Variants in TMEM74 observed in about 807,000 individuals in gnomAD.
TMEM74 encodes transmembrane protein 74.
TMEM74 carries 13 observed loss-of-function variants against 18.1 expected under a neutral mutation model. The ratio of observed to expected loss-of-function variants is 0.72; its 90% CI spans 0.47 to 1.14. The LOEUF is 1.14. Among genes scored for constraint, TMEM74 ranks in the 50% most tolerant of loss-of-function variants. TMEM74 has a pLI of 0.00. For synonymous variants in TMEM74, 159 were observed against 146.6 expected, an observed-to-expected ratio of 1.08 and a Z score of -0.61; for missense variants, 372 against 375.9, an observed-to-expected ratio of 0.99 and a Z score of 0.09.
intron 1 of TMEM74, among the ~76,000 whole-genome samples, chr8:108,730,634 CTTTTTTT>C (rs1199122765): frequency 7.6e-6 from 1 of 132,168 alleles, no homozygotes. Context: ...TGCAGACTTC[CTTTTTTT>C]TTTTTTTTTT....
At chr8:108,679,231 A>T (rs1813088074) in intron 1 of TMEM74, among the ~76,000 whole-genome samples, 1 of 152,214 alleles carries the variant, frequency 6.6e-6, no homozygotes, top group African/African-American at 2.4e-5. Context: ...TCTTTACAGC[A>T]GCATGATTTA....
At chr8:108,768,289 A>G (rs2130668923) in intron 1 of TMEM74, among the ~76,000 whole-genome samples, 1 of 152,200 alleles carries the variant, frequency 6.6e-6, no homozygotes, top group South Asian at 2.1e-4. Context: ...TATTGATTTG[A>G]TCTTTGAAAT....
chr8:108,617,352 G>A (rs994170573), intron 2 of TMEM74, among the ~76,000 whole-genome samples: 2 of 152,202 alleles, frequency 1.3e-5, no homozygotes, highest in Non-Finnish European at 2.9e-5. Context: ...GATGAACTCA[G>A]TGTTAATGCT....
In TMEM74 at chr8:108,769,766, A is replaced by T. The variant is rs1814150865; in HGVS notation, n.119+17710T>A. ...AGAGGAGCAATATATATATTTTTTT[A>T]ATTCACTGCCTTTCTAAAACAGGTG... On this transcript the variant is annotated intron_variant and non_coding_transcript_variant, in intron 1 of 3. Coordinates refer to the TMEM74 transcript ENST00000518838. Among the ~76,000 whole-genome samples, 5 of 151,970 alleles carry T rather than the reference A, an allele frequency of 3.3e-5. No homozygotes were observed. The South Asian group carries it at 1.0e-3, about 32-fold the overall frequency.
At chr8:108,662,478 T>C (rs1360368915) in intron 1 of TMEM74, among the ~76,000 whole-genome samples, 2 of 152,278 alleles carry the variant, frequency 1.3e-5, no homozygotes, top group Admixed American at 1.3e-4. Flanking sequence ...TTAAGATTTC[T>C]TGTGTATTGT....
At chr8:108,708,354 G>A (rs1813438674) in intron 1 of TMEM74, among the ~76,000 whole-genome samples, 1 of 151,292 alleles carries the variant, frequency 6.6e-6, no homozygotes, top group South Asian at 2.1e-4. Flanking sequence ...ACACATGCAT[G>A]TGTGTCTTTA....
At chr8:108,640,172 G>A (rs1364408687) in intron 2 of TMEM74, among the ~76,000 whole-genome samples, 6 of 121,354 alleles carry the variant, frequency 4.9e-5, no homozygotes, top group East Asian at 2.6e-4. Context: ...TTGCTCTATC[G>A]CCCAGGCTGG....
chr8:108,678,083 A>C (rs1273490443), intron 1 of TMEM74, among the ~76,000 whole-genome samples: 1 of 152,140 alleles, frequency 6.6e-6, no homozygotes, highest in African/African-American at 2.4e-5. Flanking sequence ...GATGCTACTT[A>C]ACAGTGTTGT....
intron 1 of TMEM74, among the ~76,000 whole-genome samples, chr8:108,714,351 G>A (rs1272717161): frequency 6.6e-6 from 1 of 152,100 alleles, no homozygotes; most frequent in African/African-American, 2.4e-5. Flanking sequence ...CTGTCACAGT[G>A]GAATACAATT....
intron 1 of TMEM74, among the ~76,000 whole-genome samples, chr8:108,686,703 A>T: frequency 6.6e-6 from 1 of 151,790 alleles, no homozygotes; most frequent in East Asian, 1.9e-4. Flanking sequence ...AGAAAACTTC[A>T]CCTTGGCCCT....
At chr8:108,715,482 A>G (rs1250711257) in intron 1 of TMEM74, among the ~76,000 whole-genome samples, 1 of 152,132 alleles carries the variant, frequency 6.6e-6, no homozygotes. Context: ...AAATTTTGGG[A>G]AACAGTGAAT....
intron 1 of TMEM74, among the ~76,000 whole-genome samples, chr8:108,678,230 TAAC>T (rs1813073808): frequency 6.6e-6 from 1 of 152,226 alleles, no homozygotes; most frequent in African/African-American, 2.4e-5. Flanking sequence ...AAAGTGCAGA[TAAC>T]AAAAATAATG....
intron 1 of TMEM74, among the ~76,000 whole-genome samples, chr8:108,668,658 A>G (rs1185238299): frequency 6.6e-6 from 1 of 152,164 alleles, no homozygotes; most frequent in East Asian, 1.9e-4. Flanking sequence ...AAGGAAAGAA[A>G]CCAGTTTTTC....
intron 1 of TMEM74, among the ~76,000 whole-genome samples, chr8:108,730,383 AG>A (rs1403424791): frequency 6.6e-6 from 1 of 152,172 alleles, no homozygotes; most frequent in East Asian, 1.9e-4. Context: ...TTTGTTATGC[AG>A]ACCCTGGCAC....
At chr8:108,674,570 T>C (rs1287602743) in intron 1 of TMEM74, among the ~76,000 whole-genome samples, 1 of 152,230 alleles carries the variant, frequency 6.6e-6, no homozygotes, top group Non-Finnish European at 1.5e-5. Flanking sequence ...ATGGAAGCTA[T>C]TCAGAAATTT....
At chr8:108,639,863 T>C (rs1345669647) in intron 2 of TMEM74, among the ~76,000 whole-genome samples, 1 of 152,156 alleles carries the variant, frequency 6.6e-6, no homozygotes, top group Non-Finnish European at 1.5e-5. Flanking sequence ...GAATTTTTAA[T>C]GTATTGGATT....
chr8:108,623,496 G>C (rs1334578856), intron 2 of TMEM74, among the ~76,000 whole-genome samples: 2 of 151,954 alleles, frequency 1.3e-5, no homozygotes, highest in Non-Finnish European at 2.9e-5. Context: ...TTCTATGTTG[G>C]CTGTGAATAG....
rs535661224 is a variant in TMEM74, at chr8:108,658,114, T to C, written n.120-2677A>G. On this transcript the variant is annotated intron_variant and non_coding_transcript_variant, in intron 1 of 3. Transcript: ENST00000518838. ...ACTCATTCCTGGTGGCTGCTGGCCA[T>C]ACAAATTATGAGCTTAAGGCCTGTA... Among the ~76,000 whole-genome samples the C allele has an allele frequency of 1.7e-4, 25 of 151,434 alleles. No individual in the cohort carries two copies. In the South Asian group the frequency reaches 5.0e-3, roughly 30 times the overall value.
chr8:108,751,462 A>T (rs3019371), intron 1 of TMEM74, among the ~76,000 whole-genome samples: 58,233 of 151,848 alleles, frequency 0.38, 11,588 homozygotes, highest in African/African-American at 0.48. Flanking sequence ...AATAATGTCA[A>T]GATTATATAT....
Sources: gnomAD v4.1 joint callset for allele counts (sites outside exome capture counted in the v4.1 genomes callset) on GRCh38, gnomAD v4.1.1 for gene constraint, MANE v1.5 for transcripts, NCBI Gene and HGNC (gene_info 2026-07-23, HGNC 2026-07-21) for gene names.